The following AASS variants were observed in gnomAD, a reference collection of about 807,000 sequenced individuals.
AASS encodes the protein aminoadipate-semialdehyde synthase.
In AASS, 86 loss-of-function variants were observed where a neutral mutation model predicts 105.4. The ratio of observed to expected loss-of-function variants is 0.82; its 90% confidence interval spans 0.69 to 0.98. AASS has a LOEUF of 0.98. Among genes scored for constraint, AASS ranks in the 50% least tolerant of loss-of-function variants. AASS has a pLI of 0.00. For missense variants in AASS, 1,048 were observed against 1,143.2 expected, an observed-to-expected ratio of 0.92 and a Z score of 1.20; for synonymous variants, 381 against 394.8, an observed-to-expected ratio of 0.96 and a Z score of 0.41.
At chr7:122,096,634 GA>G (rs200311556) in intron 15 of AASS, among the ~76,000 whole-genome samples, 131 of 147,272 alleles carry the variant, frequency 8.9e-4, no homozygotes, top group African/African-American at 2.9e-3. Flanking sequence ...TCAAAAAAAA[GA>G]AAAAAAAAAT....
intron 4 of AASS, among the ~76,000 whole-genome samples, chr7:122,121,432 T>A (rs1795436420): frequency 6.6e-6 from 1 of 152,154 alleles, no homozygotes; most frequent in African/African-American, 2.4e-5. Flanking sequence ...ACTCACTTTG[T>A]CACCCAGGCT....
At chr7:122,132,729 C>T (rs749018441) in intron 2 of AASS, among the ~76,000 whole-genome samples, 18 of 151,990 alleles carry the variant, frequency 1.2e-4, no homozygotes, top group Non-Finnish European at 1.8e-4. Flanking sequence ...AATCTATTCA[C>T]GAGAAAACAA....
rs949701892 is a variant in AASS at position 122,074,405 on chromosome 7, T to A, written c.*2084A>T. Among the ~76,000 whole-genome samples, 70 of 152,082 alleles carry A rather than the reference T, an allele frequency of 4.6e-4. No individual in the cohort carries two copies. Among genetic ancestry groups the A allele is most frequent in the Non-Finnish European group, 7.4e-4 (50 of 67,978 alleles). ...TCCTCCCTTAACTAATACATGATTT[T>A]AAAAAAAATTATCTCATTCTGTGGG... On this transcript the variant is annotated 3_prime_UTR_variant, in exon 24 of 24. Transcript: ENST00000417368.
intron 1 of AASS, 153 bp from the exon 2 acceptor site, chr7:122,133,894 T>A: frequency 2.8e-6 from 2 of 718,640 alleles, no homozygotes; most frequent in South Asian, 3.4e-5. Context: ...GGATGTCAAG[T>A]GTTCCTTTAA....
At chr7:122,138,188 T>A in intron 1 of AASS, among the ~76,000 whole-genome samples, 1 of 152,170 alleles carries the variant, frequency 6.6e-6, no homozygotes, top group East Asian at 1.9e-4. Flanking sequence ...TTACCTAAAA[T>A]TGATGAGGAA....
intron 19 of AASS, among the ~76,000 whole-genome samples, chr7:122,083,932 A>C (rs976935985): frequency 1.1e-4 from 17 of 152,176 alleles, no homozygotes; most frequent in African/African-American, 4.1e-4. Flanking sequence ...GATTACGAAC[A>C]CTGTGATATC....
chr7:122,084,116 T>A (rs1397826981), intron 19 of AASS, among the ~76,000 whole-genome samples: 1 of 152,150 alleles, frequency 6.6e-6, no homozygotes, highest in African/African-American at 2.4e-5. Flanking sequence ...TTTTTACTCA[T>A]ATTCTTTGAA....
At chr7:122,080,714 A>G (rs909056518) in intron 20 of AASS, among the ~76,000 whole-genome samples, 11 of 152,232 alleles carry the variant, frequency 7.2e-5, no homozygotes, top group African/African-American at 2.7e-4. Context: ...TTCAAAATAT[A>G]TCATGTCCTC....
intron 20 of AASS, among the ~76,000 whole-genome samples, chr7:122,080,627 C>T (rs1190417527): frequency 6.6e-6 from 1 of 152,094 alleles, no homozygotes; most frequent in Non-Finnish European, 1.5e-5. Context: ...AACTGGCTAA[C>T]ACAAAGAAAT....
At chr7:122,129,270 A>C in intron 3 of AASS, 91 bp downstream of exon 3, 1 of 802,036 alleles carries the variant, frequency 1.2e-6, no homozygotes, top group Non-Finnish European at 1.8e-6. Context: ...TAAACTAAAG[A>C]AGAAAAGAAG....
At chr7:122,141,281 T>TATTTTCTCC (rs1282992337) in intron 1 of AASS, among the ~76,000 whole-genome samples, 2 of 152,204 alleles carry the variant, frequency 1.3e-5, no homozygotes, top group Non-Finnish European at 2.9e-5. Flanking sequence ...AGAATTTTCA[T>TATTTTCTCC]ATTTTCTCCA....
At chr7:122,101,546 G>C (rs1794432792) in intron 12 of AASS, 75 bp downstream of exon 12, 1 of 1,479,698 alleles carries the variant, frequency 6.8e-7, no homozygotes, top group Non-Finnish European at 9.4e-7. Context: ...TGGAGAGAGA[G>C]AGAAACAGAG....
rs778084182 is a variant in AASS at position 122,129,371 on chromosome 7, A to G, written c.377T>C (p.Ile126Thr). 6.2e-7 allele frequency: 1 copy of G among 1,603,210 alleles called. No homozygotes were observed. The highest frequency in any genetic ancestry group is 1.7e-5 in the Admixed American group (1 of 59,558). The change falls in exon 3 of 24, where the codon ATT (isoleucine) becomes ACT (threonine). Residue 126 changes from isoleucine (I) to threonine (T), a missense_variant. Transcript: ENST00000417368. ...QEANMGLLDE[I>T]LKQEIRLIDY... is the part of the protein sequence containing the mutation. ...TTAATCACTAATTACCTGTTTTAGA[A>G]TCTCATCCAACAAGCCCATATTGGC...
chr7:122,092,556 C>G (rs545218276), intron 17 of AASS, among the ~76,000 whole-genome samples: 3 of 152,006 alleles, frequency 2.0e-5, no homozygotes, highest in Non-Finnish European at 4.4e-5. Flanking sequence ...GAAACCCCAT[C>G]TCTACTAAAA....
intron 11 of AASS, among the ~76,000 whole-genome samples, chr7:122,103,289 G>T (rs1377718593): frequency 1.3e-5 from 2 of 152,016 alleles, no homozygotes; most frequent in African/African-American, 4.8e-5. Context: ...CTGCAGGCCA[G>T]GAGAGAATGG....
intron 1 of AASS, 93 bp from the exon 2 acceptor site, chr7:122,133,834 C>T: frequency 1.9e-6 from 2 of 1,072,274 alleles, no homozygotes; most frequent in East Asian, 2.4e-5. Context: ...AAAATACAAC[C>T]CGCTCTTATG....
In AASS at chr7:122,074,613, A is replaced by C. The variant is rs1792916763; in HGVS notation, c.*1876T>G. ...GAAGATACTTACAATATTAGCTCTTACATTTAGATCTTAGGTCAACTTTGA... is the reference window on the plus strand; with the variant it reads ...GAAGATACTTACAATATTAGCTCTTCCATTTAGATCTTAGGTCAACTTTGA... On this transcript the variant is annotated 3_prime_UTR_variant, in exon 24 of 24. Coordinates refer to ENST00000417368, the MANE Select transcript of AASS (RefSeq NM_005763.4). Among the ~76,000 whole-genome samples, 1 of 152,190 alleles carries C rather than the reference A, an allele frequency of 6.6e-6. No homozygotes were observed. Among genetic ancestry groups the C allele is most frequent in the African/African-American group, 2.4e-5 (1 of 41,452 alleles).
intron 1 of AASS, among the ~76,000 whole-genome samples, chr7:122,141,200 C>G (rs1458198754): frequency 6.6e-6 from 1 of 152,152 alleles, no homozygotes; most frequent in Non-Finnish European, 1.5e-5. Flanking sequence ...CTATAAAATA[C>G]TTTACTGGAT....
At chr7:122,108,096 A>G (rs1584858600) in intron 11 of AASS, among the ~76,000 whole-genome samples, 1 of 152,084 alleles carries the variant, frequency 6.6e-6, no homozygotes, top group African/African-American at 2.4e-5. Context: ...CTGGACACAT[A>G]CAACCTACCA....
Sources: allele counts gnomAD v4.1 joint callset (sites outside exome capture counted in the v4.1 genomes callset), GRCh38; gene constraint gnomAD v4.1.1; transcripts MANE v1.5; gene names NCBI Gene and HGNC (gene_info 2026-07-23, HGNC 2026-07-21).